Variants in KCNIP4 observed in about 807,000 individuals in gnomAD.
KCNIP4 encodes the protein Kv channel-interacting protein 4.
KCNIP4 carries 12 observed loss-of-function variants against 34.0 expected under a neutral mutation model. The ratio of observed to expected loss-of-function variants is 0.35; its 90% CI spans 0.23 to 0.57. The LOEUF (loss-of-function observed/expected upper bound fraction) is 0.57, where lower values mean the gene tolerates loss of function less well. Ranked by LOEUF, KCNIP4 falls within the 20% of genes least tolerant of loss-of-function variation. The pLI is 0.83. For synonymous variants in KCNIP4, 124 were observed against 102.2 expected (o/e 1.21, Z -1.29); for missense variants, 238 against 311.7 (o/e 0.76, Z 1.78).
intron 2 of KCNIP4, among the ~76,000 whole-genome samples, chr4:20,877,482 G>A (rs1271648584): frequency 5.9e-5 from 9 of 152,064 alleles, no homozygotes; most frequent in Admixed American, 5.9e-4. Context: ...TTGGAGTTGA[G>A]TTTCTGATTT....
chr4:20,751,361 A>G (rs1431253399), intron 4 of KCNIP4, among the ~76,000 whole-genome samples: 1 of 152,128 alleles, frequency 6.6e-6, no homozygotes, highest in African/African-American at 2.4e-5. Context: ...TAATTACCAT[A>G]AACTTAGTTC....
Position 21,073,739 on chromosome 4 carries a change from T to G in KCNIP4, c.62-191030A>C, listed in dbSNP as rs570964615. ...CAGTTTTTAAAGGGAATGCTTCCAG[T>G]TTTTGTCCATTCAGTATGATATTGG... is the stretch of plus-strand genomic sequence containing the variant. On this transcript the variant is annotated intron_variant, in intron 1 of 8. Transcript: ENST00000382152. 9.7e-4 allele frequency among the ~76,000 whole-genome samples: 148 copies of G among 152,284 alleles called. 1 individual carries two copies. Among genetic ancestry groups the G allele is most frequent in the African/African-American group, 3.3e-3 (137 of 41,556 alleles).
chr4:20,911,978 C>A (rs1040139144), intron 1 of KCNIP4, among the ~76,000 whole-genome samples: 3 of 152,166 alleles, frequency 2.0e-5, no homozygotes, highest in Non-Finnish European at 4.4e-5. Flanking sequence ...CACAGTGCAT[C>A]AATGCTTCCT....
chr4:21,530,325 G>A (rs193093877), intron 1 of KCNIP4, among the ~76,000 whole-genome samples: 1 of 152,262 alleles, frequency 6.6e-6, no homozygotes, highest in African/African-American at 2.4e-5. Flanking sequence ...CTGAAACTGG[G>A]AGTAAACAAA....
At chr4:20,984,393 T>C (rs779671122) in intron 1 of KCNIP4, among the ~76,000 whole-genome samples, 103 of 152,204 alleles carry the variant, frequency 6.8e-4, no homozygotes, top group Admixed American at 2.0e-3. Context: ...AGCTTGCGAA[T>C]GGCCCCTTTT....
chr4:21,441,514 T>C (rs1393577147), intron 1 of KCNIP4, among the ~76,000 whole-genome samples: 2 of 152,112 alleles, frequency 1.3e-5, no homozygotes, highest in Non-Finnish European at 2.9e-5. Context: ...ACTTTCACAC[T>C]GCAATATAAT....
chr4:21,735,881 T>C (rs1411757570), intron 1 of KCNIP4, among the ~76,000 whole-genome samples: 2 of 152,206 alleles, frequency 1.3e-5, no homozygotes, highest in African/African-American at 4.8e-5. Flanking sequence ...ATATCTCTAA[T>C]GAGAGCTCTT....
chr4:21,697,442 A>G (rs1712460235), intron 1 of KCNIP4: 5 of 1,560,216 alleles, frequency 3.2e-6, no homozygotes, highest in South Asian at 1.3e-5. Flanking sequence ...ACTCATCTTA[A>G]GCAACAAGGT....
intron 1 of KCNIP4, among the ~76,000 whole-genome samples, chr4:20,919,869 A>G (rs1729222409): frequency 6.6e-6 from 1 of 152,088 alleles, no homozygotes; most frequent in Admixed American, 6.5e-5. Flanking sequence ...ACTTTAGTGG[A>G]ACTGGCCTCA....
intron 1 of KCNIP4, among the ~76,000 whole-genome samples, chr4:21,281,948 C>A (rs1210105247): frequency 6.6e-6 from 1 of 152,150 alleles, no homozygotes. Context: ...TCTTGCACAA[C>A]CCCTTCATCC....
intron 3 of KCNIP4, among the ~76,000 whole-genome samples, chr4:20,814,580 G>A (rs1716157720): frequency 6.6e-6 from 1 of 152,172 alleles, no homozygotes; most frequent in Admixed American, 6.5e-5. Context: ...CTCTGTGATT[G>A]CACCTCTCCC....
intron 1 of KCNIP4, among the ~76,000 whole-genome samples, chr4:21,517,351 T>C (rs1734849436): frequency 6.6e-6 from 1 of 152,130 alleles, no homozygotes; most frequent in African/African-American, 2.4e-5. Flanking sequence ...CAGTCATAAA[T>C]GACACAGGAA....
intron 1 of KCNIP4, among the ~76,000 whole-genome samples, chr4:20,958,006 C>A (rs753679887): frequency 1.1e-4 from 16 of 152,180 alleles, no homozygotes; most frequent in Non-Finnish European, 2.2e-4. Context: ...GTCTTAACTC[C>A]ATCTTCTGAG....
At chr4:21,006,893 T>C (rs1246106660) in intron 1 of KCNIP4, among the ~76,000 whole-genome samples, 1 of 152,184 alleles carries the variant, frequency 6.6e-6, no homozygotes, top group Non-Finnish European at 1.5e-5. Context: ...ATGTAGCACC[T>C]GGAAATAATT....
At chr4:21,250,305 A>C (rs954177627) in intron 1 of KCNIP4, among the ~76,000 whole-genome samples, 1 of 152,074 alleles carries the variant, frequency 6.6e-6, no homozygotes, top group South Asian at 2.1e-4. Context: ...CCAGACTTGG[A>C]AAGTTTAAAA....
chr4:21,470,997 T>C (rs1286275807), intron 1 of KCNIP4, among the ~76,000 whole-genome samples: 1 of 152,064 alleles, frequency 6.6e-6, no homozygotes, highest in Non-Finnish European at 1.5e-5. Context: ...CTTCTAGGGA[T>C]TGGTATAAAC....
At chr4:21,251,421 C>T (rs1760689680) in intron 1 of KCNIP4, among the ~76,000 whole-genome samples, 1 of 152,016 alleles carries the variant, frequency 6.6e-6, no homozygotes, top group African/African-American at 2.4e-5. Context: ...TCAGCCAGTA[C>T]CGAGAACACT....
At chr4:21,582,084 A>AATGGAATGGAATGGAATGGAATGGG (rs1560534672) in intron 1 of KCNIP4, 4 of 144,092 alleles carry the variant, frequency 2.8e-5, no homozygotes, top group South Asian at 2.2e-4. Context: ...AATGGAATGG[A>AATGGAATGGAATGGAATGGAATGGG]ATGGGATGGG....
intron 1 of KCNIP4, chr4:21,763,030 C>T (rs1718166103): frequency 7.8e-7 from 1 of 1,288,704 alleles, no homozygotes; most frequent in Admixed American, 2.3e-5. Flanking sequence ...TCAATAACCG[C>T]TTCTAGATTG....
Sources: gnomAD v4.1 joint callset for allele counts (sites outside exome capture counted in the v4.1 genomes callset) on GRCh38, gnomAD v4.1.1 for gene constraint, MANE v1.5 for transcripts, NCBI Gene and HGNC (gene_info 2026-07-23, HGNC 2026-07-21) for gene names.